Variants in APAF1 observed in about 807,000 individuals in gnomAD.
APAF1 encodes apoptotic protease-activating factor 1.
In APAF1, 91 loss-of-function variants were observed where a neutral mutation model predicts 152.4. The ratio of observed to expected loss-of-function variants is 0.60; its 90% CI spans 0.50 to 0.71. The LOEUF (loss-of-function observed/expected upper bound fraction) is 0.71. Among genes scored for constraint, APAF1 ranks in the 30% least tolerant of loss-of-function variants. The pLI is 0.00. For missense variants in APAF1, 1,283 were observed against 1,472.0 expected (o/e 0.87, Z 2.10); for synonymous variants, 484 against 494.1 (o/e 0.98, Z 0.27).
intron 9 of APAF1, among the ~76,000 whole-genome samples, chr12:98,666,986 T>C (rs1291827630): frequency 6.6e-6 from 1 of 151,956 alleles, no homozygotes; most frequent in Non-Finnish European, 1.5e-5. Flanking sequence ...ATTCCCAGAC[T>C]CCTGGTGTTG....
intron 17 of APAF1, among the ~76,000 whole-genome samples, chr12:98,701,084 G>A (rs1186976024): frequency 6.6e-6 from 1 of 151,362 alleles, no homozygotes; most frequent in Non-Finnish European, 1.5e-5. Flanking sequence ...TTCCTCTTCA[G>A]AAAACTTTGA....
intron 10 of APAF1, chr12:98,670,739 A>G (rs993597056): frequency 3.5e-5 from 12 of 345,778 alleles, no homozygotes; most frequent in East Asian, 2.4e-4. Flanking sequence ...GTATTTTTAA[A>G]TGTTTTCTAT....
At position 98,667,624 on chromosome 12, in the gene APAF1, G is replaced by C; in HGVS notation, c.1474G>C (p.Ala492Pro). ...GTACAACTTTCTGGCCTATCACATGGCCAGTGCCAAGATGCACAAGGTAAG... is the reference window on the plus strand; with the variant it reads ...GTACAACTTTCTGGCCTATCACATGCCCAGTGCCAAGATGCACAAGGTAAG... ...YWYNFLAYHM[A>P]SAKMHKELCA... is the part of the protein sequence containing the mutation. The change falls in exon 10 of 27, where the codon GCC becomes CCC. Residue 492 changes from alanine (A) to proline (P), a missense_variant. By Grantham distance (27) the Ala-to-Pro change is conservative. Coordinates refer to ENST00000551964, the MANE Select transcript of APAF1 (RefSeq NM_181861.2). 1 of 1,613,764 alleles carries C rather than the reference G, an allele frequency of 6.2e-7. No individual in the cohort carries two copies. The highest frequency in any genetic ancestry group is 1.1e-5 in the South Asian group (1 of 91,080).
chr12:98,686,791 G>A lies in APAF1; in HGVS notation c.2222G>A (p.Gly741Asp). 1 of 1,613,726 alleles carries A rather than the reference G, an allele frequency of 6.2e-7. No individual in the cohort carries two copies. Among genetic ancestry groups the A allele is most frequent in the Non-Finnish European group, 8.5e-7 (1 of 1,179,862 alleles). The change falls in exon 16 of 27, where the codon GGT (glycine) becomes GAT (aspartate). Residue 741 changes from glycine to aspartate, a missense_variant. Coordinates refer to ENST00000551964, the MANE Select transcript of APAF1 (RefSeq NM_181861.2). ...NQKECRNTMF[G>D]HTNSVNHCRF... ...AAAGAATGTCGAAATACCATGTTTGGTCATACAAATTCAGTCAATCACTGC... is the reference window on the plus strand; with the variant it reads ...AAAGAATGTCGAAATACCATGTTTGATCATACAAATTCAGTCAATCACTGC...
chr12:98,646,948 C>T (rs1242891562), intron 1 of APAF1, among the ~76,000 whole-genome samples: 18 of 152,108 alleles, frequency 1.2e-4, no homozygotes, highest in Admixed American at 1.2e-3. Flanking sequence ...TGACATCCTC[C>T]TTGAACGAGA....
At chr12:98,648,038 T>C (rs1565850472) in intron 1 of APAF1, among the ~76,000 whole-genome samples, 1 of 152,184 alleles carries the variant, frequency 6.6e-6, no homozygotes, top group Non-Finnish European at 1.5e-5. Context: ...AGTAAATCCT[T>C]AGAAATGGGA....
At chr12:98,657,924 T>TA (rs1039077560) in intron 4 of APAF1, among the ~76,000 whole-genome samples, 1 of 152,232 alleles carries the variant, frequency 6.6e-6, no homozygotes, top group Non-Finnish European at 1.5e-5. Flanking sequence ...ATATCTGATG[T>TA]AAATAGATCT....
At chr12:98,726,873 T>C (rs1279104941) in intron 25 of APAF1, among the ~76,000 whole-genome samples, 2 of 152,356 alleles carry the variant, frequency 1.3e-5, no homozygotes, top group East Asian at 3.9e-4. Flanking sequence ...AGTTTTTCCA[T>C]TCGGTTCTCT....
intron 12 of APAF1, among the ~76,000 whole-genome samples, chr12:98,672,008 G>A (rs2097680803): frequency 6.6e-6 from 1 of 152,148 alleles, no homozygotes; most frequent in Non-Finnish European, 1.5e-5. Flanking sequence ...GTGGTGAGGA[G>A]CATGGACTTT....
intron 5 of APAF1, among the ~76,000 whole-genome samples, chr12:98,659,546 G>A (rs2153312868): frequency 6.6e-6 from 1 of 152,192 alleles, no homozygotes; most frequent in South Asian, 2.1e-4. Context: ...GAGGTCAGGA[G>A]TTCAAGACCA....
intron 20 of APAF1, among the ~76,000 whole-genome samples, chr12:98,709,884 T>C (rs2097725985): frequency 6.6e-6 from 1 of 152,236 alleles, no homozygotes; most frequent in Non-Finnish European, 1.5e-5. Flanking sequence ...TTCTTTCTTT[T>C]GTTTTTCTTT....
intron 16 of APAF1, among the ~76,000 whole-genome samples, chr12:98,694,925 A>C (rs900294361): frequency 6.8e-6 from 1 of 147,604 alleles, no homozygotes; most frequent in African/African-American, 2.5e-5. Context: ...CCCAGGCTGG[A>C]GTGCTGTGGC....
At chr12:98,650,502 GTTT>G (rs754633677) in intron 4 of APAF1, among the ~76,000 whole-genome samples, 1 of 140,300 alleles carries the variant, frequency 7.1e-6, no homozygotes. Flanking sequence ...AAAGTTTTTT[GTTT>G]TTTTTTTTTT....
At chr12:98,698,212 A>T (rs1352072185) in intron 16 of APAF1, among the ~76,000 whole-genome samples, 2 of 152,114 alleles carry the variant, frequency 1.3e-5, no homozygotes, top group African/African-American at 4.8e-5. Flanking sequence ...AAATTTTTTT[A>T]AATTGAAAAC....
At position 98,706,480 on chromosome 12, in the gene APAF1, T is replaced by C; in HGVS notation, c.2596-5T>C. The C allele has an allele frequency of 6.2e-7, 1 of 1,613,988 alleles. No homozygotes were observed. Among genetic ancestry groups the C allele is most frequent in the Non-Finnish European group, 8.5e-7 (1 of 1,179,870 alleles). Reference sequence around the variant, plus strand: ...GATTTCCTATATGCTGTGTTTATTCTGTAGTTGTGGAATACAGACTCACGT... The same window carrying C: ...GATTTCCTATATGCTGTGTTTATTCCGTAGTTGTGGAATACAGACTCACGT... On this transcript the variant is annotated splice_region_variant and splice_polypyrimidine_tract_variant and intron_variant, in intron 18 of 26. Coordinates refer to ENST00000551964, the MANE Select transcript of APAF1 (RefSeq NM_181861.2).
chr12:98,708,806 A>C, intron 20 of APAF1, 102 bp downstream of exon 20: 2 of 1,173,082 alleles, frequency 1.7e-6, no homozygotes, highest in African/African-American at 3.1e-5. Context: ...ATTATTTTGT[A>C]TCTAACAGGT....
In APAF1 at chr12:98,735,363, G is replaced by T. The variant is rs1026330077; in HGVS notation, c.*2797G>T. ...TAGCTTATATGATTTTTTTGCCTTG[G>T]TATACATTTTAAAATATGAATTTAA... On this transcript the variant is annotated 3_prime_UTR_variant, in exon 27 of 27. Coordinates refer to ENST00000551964, the MANE Select transcript of APAF1 (RefSeq NM_181861.2). 3 of 427,914 alleles carry T rather than the reference G, an allele frequency of 7.0e-6. No homozygotes were observed. Among genetic ancestry groups the T allele is most frequent in the Admixed American group, 7.9e-5 (2 of 25,226 alleles). The allele number at this position is 427,914 out of a possible 1,614,324, so 26.5% of individuals were successfully genotyped here.
intron 22 of APAF1, among the ~76,000 whole-genome samples, chr12:98,720,039 C>G (rs935039768): frequency 6.6e-6 from 1 of 152,130 alleles, no homozygotes; most frequent in South Asian, 2.1e-4. Flanking sequence ...CTGTAAAACT[C>G]AGTGTAATAG....
chr12:98,690,961 C>A (rs1317613718), intron 16 of APAF1, among the ~76,000 whole-genome samples: 1 of 152,152 alleles, frequency 6.6e-6, no homozygotes, highest in East Asian at 1.9e-4. Flanking sequence ...GTAATCCCAG[C>A]ACTTTGGGAG....
Sources: gnomAD v4.1 joint callset for allele counts (sites outside exome capture counted in the v4.1 genomes callset) on GRCh38, gnomAD v4.1.1 for gene constraint, MANE v1.5 for transcripts, NCBI Gene and HGNC (gene_info 2026-07-23, HGNC 2026-07-21) for gene names.